Variants in DST observed in about 807,000 individuals in gnomAD.
The protein encoded by DST is bullous pemphigoid antigen.
In DST, 253 loss-of-function variants were observed where a neutral mutation model predicts 875.2. The observed-to-expected ratio is 0.29, with a 90% CI of 0.26 to 0.32. The LOEUF is 0.32. Ranked by LOEUF, DST falls within the 10% of genes least tolerant of loss-of-function variation. The pLI, the probability that DST is intolerant of heterozygous loss-of-function variation, is 1.00. For synonymous variants in DST, 3,124 were observed against 3,197.1 expected (o/e 0.98, Z 0.77); for missense variants, 8,287 against 9,111.6 (o/e 0.91, Z 3.68).
chr6:56,458,762 A>G lies in DST; in HGVS notation c.*243T>C. ...GTTTAGTGTGTGCCCGGCACGTTAC[A>G]GTGCAGAAATGTTAGTTCATGTTAA... On this transcript the variant is annotated 3_prime_UTR_variant, in exon 104 of 104. Coordinates refer to ENST00000680361, the MANE Select transcript of DST (RefSeq NM_001374736.1). 2.7e-6 allele frequency: 1 copy of G among 372,488 alleles called. No individual in the cohort carries two copies. The highest frequency in any genetic ancestry group is 4.8e-6 in the Non-Finnish European group (1 of 210,454). 23.1% of individuals were successfully genotyped at this position (372,488 alleles called of 1,614,324 possible).
intron 49 of DST, among the ~76,000 whole-genome samples, chr6:56,580,012 G>A (rs949439204): frequency 2.0e-5 from 3 of 152,276 alleles, no homozygotes; most frequent in Middle Eastern, 3.4e-3. Context: ...TCCACCGTTC[G>A]GTCTGTTTGG....
At position 56,651,119 on chromosome 6, in the gene DST, G is replaced by C; in HGVS notation, c.1327+13C>G. The C allele has an allele frequency of 6.2e-7, 1 of 1,601,182 alleles. No individual in the cohort carries two copies. Among genetic ancestry groups the C allele is most frequent in the South Asian group, 1.1e-5 (1 of 90,350 alleles). On this transcript the variant is annotated intron_variant, in intron 11 of 103. Coordinates refer to ENST00000680361, the MANE Select transcript of DST (RefSeq NM_001374736.1). The stretch of plus-strand genomic sequence containing the variant: ...TTCATGCCAGTCCACATATAATCAA[G>C]AAAATAACTCACCTTCAGGGTCCAG...
chr6:56,711,957 G>A (rs1020927958), intron 5 of DST, among the ~76,000 whole-genome samples: 10 of 150,530 alleles, frequency 6.6e-5, no homozygotes, highest in East Asian at 3.9e-4. Context: ...CGGGCGTAGT[G>A]GCGGGCGCCT....
At chr6:56,918,696 C>T (rs1483981580) in intron 2 of DST, among the ~76,000 whole-genome samples, 1 of 152,116 alleles carries the variant, frequency 6.6e-6, no homozygotes, top group African/African-American at 2.4e-5. Flanking sequence ...CTATTATCTC[C>T]ATCAACACTG....
chr6:56,770,924 C>T (rs947329829), intron 4 of DST, among the ~76,000 whole-genome samples: 1 of 150,842 alleles, frequency 6.6e-6, no homozygotes, highest in Non-Finnish European at 1.5e-5. Flanking sequence ...AGCTTGAACC[C>T]GGGAGGCAGA....
chr6:56,620,564 A>G (rs1403497942), intron 36 of DST: 2 of 1,613,830 alleles, frequency 1.2e-6, no homozygotes, highest in Non-Finnish European at 8.5e-7. Flanking sequence ...TTCTTCCTCT[A>G]CTCGGGACTT....
chr6:56,574,025 C>A, intron 50 of DST, 138 bp from the exon 51 acceptor site: 1 of 590,288 alleles, frequency 1.7e-6, no homozygotes, highest in South Asian at 2.9e-5. Context: ...ATTCCTAATG[C>A]ATAATCAGAA....
chr6:56,735,001 C>G (rs138088160), intron 5 of DST: 680 of 428,630 alleles, frequency 1.6e-3, no homozygotes, highest in Middle Eastern at 5.5e-3. Flanking sequence ...TTACTAACGT[C>G]ACAGAATGCA....
chr6:56,952,959 A>C (rs570525021), intron 2 of DST, among the ~76,000 whole-genome samples: 1 of 152,364 alleles, frequency 6.6e-6, no homozygotes, highest in Non-Finnish European at 1.5e-5. Context: ...CTAGGGTGGC[A>C]TAAAATATCT....
chr6:56,598,961 ATAAG>A (rs1210944032), intron 45 of DST, among the ~76,000 whole-genome samples: 3 of 152,170 alleles, frequency 2.0e-5, no homozygotes, highest in African/African-American at 7.2e-5. Flanking sequence ...CTGAAAACAC[ATAAG>A]TATTCAGTAT....
chr6:56,639,087 C>G, intron 22 of DST, 172 bp downstream of exon 22: 1 of 658,876 alleles, frequency 1.5e-6, no homozygotes, highest in South Asian at 1.8e-5. Context: ...GGGTGACATA[C>G]TTAGAGCCAG....
chr6:56,924,648 G>A (rs142784019), intron 2 of DST, among the ~76,000 whole-genome samples: 146 of 152,166 alleles, frequency 9.6e-4, no homozygotes, highest in Non-Finnish European at 1.9e-3. Flanking sequence ...TTTTACCAAG[G>A]CAATAAATTA....
chr6:56,601,720 T>G (rs377213165), intron 43 of DST, 44 bp from the exon 44 acceptor site: 84 of 1,146,240 alleles, frequency 7.3e-5, no homozygotes, highest in African/African-American at 2.2e-4. Context: ...AGTTAAGCCA[T>G]GATAAAATTT....
intron 44 of DST, 148 bp from the exon 45 acceptor site, chr6:56,600,369 C>A: frequency 1.4e-6 from 1 of 696,606 alleles, no homozygotes; most frequent in Non-Finnish European, 2.4e-6. Flanking sequence ...AGGGTACAAA[C>A]TGAGCAAGGT....
intron 4 of DST, among the ~76,000 whole-genome samples, chr6:56,796,243 C>T (rs1173780353): frequency 6.6e-6 from 1 of 152,116 alleles, no homozygotes; most frequent in Non-Finnish European, 1.5e-5. Flanking sequence ...AGCAAAGAAG[C>T]AAGACAATTA....
chr6:56,685,635 G>C (rs2099180131), intron 9 of DST, among the ~76,000 whole-genome samples: 1 of 152,112 alleles, frequency 6.6e-6, no homozygotes, highest in South Asian at 2.1e-4. Context: ...AGCCAGGCGT[G>C]GTGGTGGATG....
intron 4 of DST, among the ~76,000 whole-genome samples, chr6:56,758,858 G>C (rs1358446233): frequency 3.9e-5 from 6 of 152,184 alleles, no homozygotes; most frequent in Non-Finnish European, 7.4e-5. Context: ...ACATAACCAT[G>C]AAAGTCATGT....
intron 50 of DST, among the ~76,000 whole-genome samples, chr6:56,574,373 C>A (rs2097830890): frequency 6.6e-6 from 1 of 152,090 alleles, no homozygotes; most frequent in African/African-American, 2.4e-5. Flanking sequence ...AAAATTATCA[C>A]CCTATCTCCC....
intron 99 of DST, among the ~76,000 whole-genome samples, chr6:56,465,039 T>C (rs1372286583): frequency 2.6e-5 from 4 of 152,238 alleles, no homozygotes; most frequent in African/African-American, 9.6e-5. Context: ...TACCTTAGGC[T>C]ACATTATTTT....
Sources: gnomAD v4.1 joint callset for allele counts (sites outside exome capture counted in the v4.1 genomes callset) on GRCh38, gnomAD v4.1.1 for gene constraint, MANE v1.5 for transcripts, NCBI Gene and HGNC (gene_info 2026-07-23, HGNC 2026-07-21) for gene names.